PCNX2: variants seen among roughly 807,000 people sequenced by gnomAD.
PCNX2 encodes pecanex 2.
A neutral mutation model predicts 223.8 loss-of-function variants in PCNX2; 168 were observed. That is an observed-to-expected ratio of 0.75 (90% CI 0.66 to 0.85). The LOEUF is 0.85. Among genes scored for constraint, PCNX2 ranks in the 40% least tolerant of loss-of-function variants. PCNX2 has a pLI of 0.00. For missense variants in PCNX2, 2,507 were observed against 2,675.5 expected (o/e 0.94, Z 1.39); for synonymous variants, 1,006 against 1,052.6 (o/e 0.96, Z 0.86).
At position 233,172,143 on chromosome 1, in the gene PCNX2, T is replaced by C. The variant is rs146691242; in HGVS notation, c.3273+5659A>G. Among the ~76,000 whole-genome samples, 149 of 152,348 alleles carry C rather than the reference T, an allele frequency of 9.8e-4. 1 individual carries two copies. In the East Asian group the frequency reaches 0.022, roughly 22 times the overall value. On this transcript the variant is annotated intron_variant, in intron 17 of 33. Transcript: ENST00000258229. ...TCTTTAAGCATCTTAAGTATAGTTG[T>C]TTTAAAATCTGTGTCTGATACTTCC... is the stretch of plus-strand genomic sequence containing the variant.
At chr1:233,292,974 A>G (rs1015090959) in intron 1 of PCNX2, among the ~76,000 whole-genome samples, 2 of 152,166 alleles carry the variant, frequency 1.3e-5, no homozygotes, top group Admixed American at 6.5e-5. Flanking sequence ...TTAAGGTCTC[A>G]GACTTTACTT....
intron 23 of PCNX2, among the ~76,000 whole-genome samples, chr1:233,061,794 T>C (rs1006041445): frequency 2.0e-5 from 3 of 152,190 alleles, no homozygotes; most frequent in Admixed American, 1.3e-4. Flanking sequence ...AGTCTTACTC[T>C]GTCGCCCAGG....
chr1:232,999,460 T>TC, intron 30 of PCNX2, 81 bp from the exon 31 acceptor site: 1 of 1,422,596 alleles, frequency 7.0e-7, no homozygotes. Flanking sequence ...TTCTTTTTTT[T>TC]TTTTTTTTTT....
intron 17 of PCNX2, among the ~76,000 whole-genome samples, chr1:233,173,332 A>G (rs1038952165): frequency 5.7e-4 from 87 of 152,194 alleles, no homozygotes; most frequent in African/African-American, 2.0e-3. Flanking sequence ...ACACCTGGCT[A>G]ATTTTGTATT....
At chr1:233,140,601 C>T (rs770306111) in intron 19 of PCNX2, among the ~76,000 whole-genome samples, 2 of 152,202 alleles carry the variant, frequency 1.3e-5, no homozygotes, top group African/African-American at 2.4e-5. Context: ...ACCTCCTACT[C>T]CTCATGGCAG....
chr1:233,124,400 G>A (rs58954355), intron 21 of PCNX2, among the ~76,000 whole-genome samples: 20,273 of 152,148 alleles, frequency 0.13, 1,444 homozygotes, highest in East Asian at 0.19. Context: ...ATTCTTCAGC[G>A]CAGTGAGGGA....
chr1:232,994,778 T>C (rs1669819749), intron 32 of PCNX2, among the ~76,000 whole-genome samples: 1 of 152,136 alleles, frequency 6.6e-6, no homozygotes, highest in Non-Finnish European at 1.5e-5. Flanking sequence ...TCATGAGAGC[T>C]GGTGGTTTTA....
intron 25 of PCNX2, among the ~76,000 whole-genome samples, chr1:233,043,620 T>C (rs963806989): frequency 5.4e-4 from 67 of 123,172 alleles, no homozygotes; most frequent in African/African-American, 2.0e-3. Flanking sequence ...TGTGTTCTCA[T>C]TGTTCAATTC....
intron 27 of PCNX2, among the ~76,000 whole-genome samples, chr1:233,015,426 C>T (rs7556641): frequency 0.27 from 41,109 of 152,062 alleles, 6,076 homozygotes; most frequent in East Asian, 0.49. Context: ...TGGCCGGGCG[C>T]GGTGGCTCAC....
intron 10 of PCNX2, among the ~76,000 whole-genome samples, chr1:233,220,839 C>T (rs1433941247): frequency 6.6e-6 from 1 of 152,002 alleles, no homozygotes; most frequent in Admixed American, 6.6e-5. Context: ...AAGAAATGAA[C>T]AAATGCATGA....
rs140357726 is a variant in PCNX2, at chr1:233,064,610, C to T, written c.4077-7320G>A. ...CCTATGTTACTGAGACTCACAGCCC[C>T]GACCCACCACCCACCCCATTCTTCC... On this transcript the variant is annotated intron_variant, in intron 23 of 33. Coordinates refer to ENST00000258229, the MANE Select transcript of PCNX2 (RefSeq NM_014801.4). 2.6e-3 allele frequency among the ~76,000 whole-genome samples: 402 copies of T among 152,274 alleles called. 1 individual carries two copies. The highest frequency in any genetic ancestry group is 3.6e-3 in the Non-Finnish European group (244 of 68,018).
chr1:232,997,508 C>A (rs1669916792), intron 32 of PCNX2, among the ~76,000 whole-genome samples: 1 of 152,142 alleles, frequency 6.6e-6, no homozygotes, highest in South Asian at 2.1e-4. Flanking sequence ...CACTAACATG[C>A]TCCAGAGGGT....
At chr1:233,232,197 T>C (rs1478369736) in intron 9 of PCNX2, among the ~76,000 whole-genome samples, 4 of 152,244 alleles carry the variant, frequency 2.6e-5, no homozygotes, top group Admixed American at 1.3e-4. Flanking sequence ...AGATAGTCTC[T>C]GACTTACAAT....
At chr1:233,048,807 C>G (rs577665528) in intron 25 of PCNX2, among the ~76,000 whole-genome samples, 77 of 151,982 alleles carry the variant, frequency 5.1e-4, no homozygotes, top group African/African-American at 1.8e-3. Context: ...CACAATCAAT[C>G]AAAAATGACA....
At chr1:233,066,899 G>C (rs949242286) in intron 23 of PCNX2, among the ~76,000 whole-genome samples, 1 of 152,064 alleles carries the variant, frequency 6.6e-6, no homozygotes, top group Non-Finnish European at 1.5e-5. Flanking sequence ...GCAGTAATGA[G>C]GTACCACTAT....
the PCNX2 span, among the ~76,000 whole-genome samples, chr1:233,321,453 A>G: frequency 2.0e-5 from 3 of 152,188 alleles, no homozygotes; most frequent in East Asian, 5.8e-4. Context: ...GGGAGCCACC[A>G]TGCCTGCCTA....
rs756978911 is a variant in PCNX2 at position 232,984,017 on chromosome 1, C to T, written c.*287G>A. 9 of 295,506 alleles carry T rather than the reference C, an allele frequency of 3.0e-5. No homozygotes were observed. The highest frequency in any genetic ancestry group is 1.1e-4 in the African/African-American group (5 of 45,374). The allele number at this position is 295,506 out of a possible 1,614,324, so 18.3% of individuals were successfully genotyped here. A position where few individuals can be genotyped will look rare whatever the true frequency, so the allele number is the denominator to read the frequency against. The stretch of plus-strand genomic sequence containing the variant: ...GTCCGCGGTGTGCCGCTCTGGGCAG[C>T]GCTGTGCCTGGCCAGGGAGGTGTGG... On this transcript the variant is annotated 3_prime_UTR_variant, in exon 34 of 34. Coordinates refer to ENST00000258229, the MANE Select transcript of PCNX2 (RefSeq NM_014801.4).
In PCNX2 at chr1:232,989,386, G is replaced by A. The variant is rs559548802; in HGVS notation, c.5792-2846C>T. Among the ~76,000 whole-genome samples, 825 of 152,102 alleles carry A rather than the reference G, an allele frequency of 5.4e-3. 4 individuals are homozygous for A. The highest frequency in any genetic ancestry group is 9.3e-3 in the Non-Finnish European group (633 of 67,984). ...GGAGAATGGCGTGAACCCAGGAGGC[G>A]GAGCTTGCAGTGAGCCGAGATAGCG... On this transcript the variant is annotated intron_variant, in intron 32 of 33. Coordinates refer to ENST00000258229, the MANE Select transcript of PCNX2 (RefSeq NM_014801.4).
chr1:233,282,555 A>C (rs1661245627), intron 1 of PCNX2, among the ~76,000 whole-genome samples: 1 of 152,182 alleles, frequency 6.6e-6, no homozygotes, highest in South Asian at 2.1e-4. Flanking sequence ...CAAACCAGAT[A>C]ATCAGGCATC....
Sources: gnomAD v4.1 joint callset for allele counts (sites outside exome capture counted in the v4.1 genomes callset) on GRCh38, gnomAD v4.1.1 for gene constraint, MANE v1.5 for transcripts, NCBI Gene and HGNC (gene_info 2026-07-23, HGNC 2026-07-21) for gene names.